BCAR3: variants seen among roughly 807,000 people sequenced by gnomAD.
BCAR3 encodes the protein BCAR3 adaptor protein, NSP family member, also known as breast cancer anti-estrogen resistance protein 3.
In BCAR3, 37 loss-of-function variants were observed where a neutral mutation model predicts 80.1. The ratio of observed to expected loss-of-function variants is 0.46; its 90% CI spans 0.36 to 0.61. BCAR3 has a LOEUF of 0.61. BCAR3 is among the 20% of genes least tolerant of loss of function. The pLI is 0.00. For missense variants in BCAR3, 978 were observed against 1,068.2 expected, an observed-to-expected ratio of 0.92 and a Z score of 1.18; for synonymous variants, 389 against 418.9, an observed-to-expected ratio of 0.93 and a Z score of 0.87.
intron 2 of BCAR3, among the ~76,000 whole-genome samples, chr1:93,802,371 T>G (rs1443314531): frequency 2.6e-5 from 4 of 152,064 alleles, no homozygotes; most frequent in Admixed American, 2.0e-4. Flanking sequence ...TTGACACCCA[T>G]TCCCTTGCTT....
chr1:93,727,916 C>T (rs1024907386), intron 2 of BCAR3, among the ~76,000 whole-genome samples: 2 of 152,164 alleles, frequency 1.3e-5, no homozygotes, highest in Non-Finnish European at 2.9e-5. Flanking sequence ...GGTCCTAAAT[C>T]CAATGGCAAG....
chr1:93,643,823 T>C (rs1318608392), intron 2 of BCAR3, among the ~76,000 whole-genome samples: 2 of 152,212 alleles, frequency 1.3e-5, no homozygotes, highest in Non-Finnish European at 2.9e-5. Context: ...CTATGTGAGA[T>C]GATGAATATG....
chr1:93,847,411 G>T (rs1655254005), upstream of BCAR3: 1 of 153,304 alleles, frequency 6.5e-6, no homozygotes, highest in Non-Finnish European at 1.5e-5. Context: ...GGCGACCACT[G>T]CGGGGAGACC....
At chr1:93,845,470 A>ATC (rs1437677666) in intron 2 of BCAR3, 47 of 1,628 alleles carry the variant, frequency 0.029, 1 homozygote, top group Non-Finnish European at 0.047. Flanking sequence ...TTTTATATAT[A>ATC]TATATATATA....
intron 3 of BCAR3, among the ~76,000 whole-genome samples, chr1:93,608,552 C>T (rs747911498): frequency 6.6e-6 from 1 of 152,226 alleles, no homozygotes; most frequent in Non-Finnish European, 1.5e-5. Context: ...CATCCCTCTG[C>T]AGTCCTGGAG....
At position 93,692,255 on chromosome 1, in the gene BCAR3, C is replaced by A. The variant is rs189451947; in HGVS notation, c.-12+13837G>T. Among the ~76,000 whole-genome samples, 459 of 152,284 alleles carry A rather than the reference C, an allele frequency of 3.0e-3. 5 individuals carry two copies. Among genetic ancestry groups the A allele is most frequent in the African/African-American group, 0.011 (452 of 41,552 alleles). ...CTCTCTGGTTCCTTCCTCACAGGAA[C>A]CCCCCTCCCCAGTGCACACACAGCT... On this transcript the variant is annotated intron_variant, in intron 3 of 13. Coordinates refer to the BCAR3 transcript ENST00000370244.
intron 2 of BCAR3, among the ~76,000 whole-genome samples, chr1:93,765,522 ACT>A (rs1253073761): frequency 6.6e-6 from 1 of 152,042 alleles, no homozygotes; most frequent in African/African-American, 2.4e-5. Flanking sequence ...CAACCTGATG[ACT>A]CTGTAGATAC....
upstream of BCAR3, among the ~76,000 whole-genome samples, chr1:93,683,728 C>T (rs969022748): frequency 1.3e-5 from 2 of 152,150 alleles, no homozygotes; most frequent in African/African-American, 4.8e-5. Context: ...CAAAAATAGT[C>T]AAAGCATATC....
At chr1:93,718,832 A>T (rs1650282777) in intron 2 of BCAR3, among the ~76,000 whole-genome samples, 1 of 149,798 alleles carries the variant, frequency 6.7e-6, no homozygotes, top group Non-Finnish European at 1.5e-5. Context: ...TGTAGCTGGG[A>T]CTACAGGCAT....
intron 2 of BCAR3, among the ~76,000 whole-genome samples, chr1:93,808,291 T>C (rs1390119227): frequency 6.6e-6 from 1 of 152,092 alleles, no homozygotes; most frequent in African/African-American, 2.4e-5. Flanking sequence ...TTGAAAACTT[T>C]CAGAGCACCA....
intron 2 of BCAR3, among the ~76,000 whole-genome samples, chr1:93,645,561 C>A (rs1176419858): frequency 6.6e-6 from 1 of 151,436 alleles, no homozygotes; most frequent in Non-Finnish European, 1.5e-5. Flanking sequence ...TTGGATCTAA[C>A]AGTTTTTTTT....
At chr1:93,719,958 A>G (rs1489807169) in intron 2 of BCAR3, among the ~76,000 whole-genome samples, 1 of 152,184 alleles carries the variant, frequency 6.6e-6, no homozygotes, top group Non-Finnish European at 1.5e-5. Flanking sequence ...TGCGGTGGCT[A>G]TATTCACAGG....
intron 2 of BCAR3, among the ~76,000 whole-genome samples, chr1:93,718,286 C>A (rs1409784247): frequency 6.6e-6 from 1 of 152,162 alleles, no homozygotes; most frequent in African/African-American, 2.4e-5. Context: ...AACTTTGATA[C>A]ATATGATCAG....
At chr1:93,576,975 G>A (rs552509327) in intron 7 of BCAR3, among the ~76,000 whole-genome samples, 1 of 152,192 alleles carries the variant, frequency 6.6e-6, no homozygotes, top group South Asian at 2.1e-4. Flanking sequence ...GCAACATAGC[G>A]AGACCCCATC....
In BCAR3 at chr1:93,575,994, C is replaced by T. The variant is rs1163129640; in HGVS notation, c.1802+20G>A. 1.2e-6 allele frequency: 2 copies of T among 1,606,704 alleles called. No individual in the cohort carries two copies. Among genetic ancestry groups the T allele is most frequent in the Non-Finnish European group, 1.7e-6 (2 of 1,173,340 alleles). On this transcript the variant is annotated intron_variant, in intron 8 of 11. Transcript: ENST00000260502. ...GAAGGAGCTGGGAGGGTCGGAAGTGCAGAGGACGGCACTGCTCACCTTTCA... is the reference window on the plus strand; with the variant it reads ...GAAGGAGCTGGGAGGGTCGGAAGTGTAGAGGACGGCACTGCTCACCTTTCA...
intron 5 of BCAR3, among the ~76,000 whole-genome samples, chr1:93,585,770 G>T (rs893703936): frequency 6.6e-6 from 1 of 152,150 alleles, no homozygotes; most frequent in South Asian, 2.1e-4. Context: ...ACAGGCTCTC[G>T]CTCTGTTGCC....
Position 93,576,145 on chromosome 1 carries a change from G to A in BCAR3, c.1687-16C>T, listed in dbSNP as rs746058645. 2.5e-6 allele frequency: 4 copies of A among 1,597,256 alleles called. No individual in the cohort carries two copies. In the African/African-American group the frequency reaches 5.4e-5, roughly 21 times the overall value. Reference sequence around the variant, plus strand: ...TCCTAGCAACCTGTCAAGAGCCAAAGTTGAAATACACTGGATCAGGAAGTG... The same window carrying A: ...TCCTAGCAACCTGTCAAGAGCCAAAATTGAAATACACTGGATCAGGAAGTG... On this transcript the variant is annotated splice_polypyrimidine_tract_variant and intron_variant, in intron 7 of 11. Transcript: ENST00000260502.
intron 2 of BCAR3, among the ~76,000 whole-genome samples, chr1:93,833,048 T>C (rs1025460486): frequency 2.0e-5 from 3 of 152,110 alleles, no homozygotes; most frequent in Non-Finnish European, 4.4e-5. Context: ...GCCCCCAATA[T>C]TTCAATGTAG....
At chr1:93,826,845 C>T (rs556826026) in intron 2 of BCAR3, among the ~76,000 whole-genome samples, 1 of 151,950 alleles carries the variant, frequency 6.6e-6, no homozygotes, top group East Asian at 1.9e-4. Context: ...TGTATAAATG[C>T]CTATGTGTAC....
Sources: allele counts gnomAD v4.1 joint callset (sites outside exome capture counted in the v4.1 genomes callset), GRCh38; gene constraint gnomAD v4.1.1; transcripts MANE v1.5; gene names NCBI Gene and HGNC (gene_info 2026-07-23, HGNC 2026-07-21).